Variants in C16orf96 observed in about 807,000 individuals in gnomAD.
The protein encoded by C16orf96 is uncharacterized protein C16orf96.
C16orf96 carries 108 observed loss-of-function variants against 103.6 expected under a neutral mutation model. The observed-to-expected ratio is 1.04, with a 90% confidence interval of 0.89 to 1.22. C16orf96 has a LOEUF of 1.22. Ranked by LOEUF, C16orf96 falls within the 50% of genes most tolerant of loss-of-function variation. The probability of loss-of-function intolerance (pLI) is 0.00; values close to 1 mark genes in which losing one functional copy is unlikely to be tolerated. For missense variants in C16orf96, 1,586 were observed against 1,464.2 expected (o/e 1.08, Z -1.36); for synonymous variants, 566 against 593.5 (o/e 0.95, Z 0.67).
the C16orf96 span, among the ~76,000 whole-genome samples, chr16:4,546,788 A>G: frequency 3.3e-5 from 5 of 152,064 alleles, no homozygotes; most frequent in Non-Finnish European, 5.9e-5. Context: ...TTTCTTTGAC[A>G]CAACCAAATG....
Position 4,576,548 on chromosome 16 carries a change from A to G in C16orf96, c.2068A>G (p.Ile690Val). The G allele has an allele frequency of 1.3e-6, 2 of 1,551,556 alleles. No individual in the cohort carries two copies. The highest frequency in any genetic ancestry group is 1.2e-5 in the South Asian group (1 of 84,066). Residue 690 changes from isoleucine to valine, a missense_variant, in exon 5 of 16, where the codon ATA (isoleucine) becomes GTA (valine). Ile to Val is a conservative substitution (Grantham distance 29). Coordinates refer to ENST00000444310, the MANE Select transcript of C16orf96 (RefSeq NM_001145011.2). ...GGCTGTCAAGTATTCCATGAGCCAC[A>G]TAGCCCAGATACCTGTCAAACACGA... ...KRAVKYSMSH[I>V]AQIPVKHDSL...
At chr16:4,577,870 C>G (rs2059532164) in intron 5 of C16orf96, among the ~76,000 whole-genome samples, 2 of 152,232 alleles carry the variant, frequency 1.3e-5, no homozygotes, top group South Asian at 4.1e-4. Context: ...ACAGGAGAAA[C>G]ACTTTGAACC....
At chr16:4,551,507 A>C (rs1347000990), upstream of C16orf96, among the ~76,000 whole-genome samples, 1 of 152,168 alleles carries the variant, frequency 6.6e-6, no homozygotes, top group Non-Finnish European at 1.5e-5. Context: ...GCTGGAGTGC[A>C]GTGGCTTGAT....
chr16:4,563,857 C>T (rs1261871869), intron 1 of C16orf96, among the ~76,000 whole-genome samples: 1 of 151,434 alleles, frequency 6.6e-6, no homozygotes, highest in Non-Finnish European at 1.5e-5. Context: ...GCATGAGCCA[C>T]TGTGCCCGGC....
rs1027262142 is a variant in C16orf96 at position 4,556,368 on chromosome 16, T to G, written c.-122T>G. 1 of 994,810 alleles carries G rather than the reference T, an allele frequency of 1.0e-6. No individual in the cohort carries two copies. The highest frequency in any genetic ancestry group is 1.4e-6 in the Non-Finnish European group (1 of 700,948). 61.6% of individuals were successfully genotyped at this position (994,810 alleles called of 1,614,324 possible). A position where few individuals can be genotyped will look rare whatever the true frequency, so the allele number is the denominator to read the frequency against. ...ACAGAGGCCATTCCTCCCTGACTGC[T>G]GTGACTCACCACCACCCCAGGCCTC... On this transcript the variant is annotated 5_prime_UTR_variant, in exon 1 of 16. Coordinates refer to ENST00000444310, the MANE Select transcript of C16orf96 (RefSeq NM_001145011.2).
At chr16:4,571,463 A>G in intron 1 of C16orf96, 98 bp from the exon 2 acceptor site, 1 of 991,608 alleles carries the variant, frequency 1.0e-6, no homozygotes, top group Non-Finnish European at 1.5e-6. Context: ...AGCCAAGAGG[A>G]CCTCTTGAAC....
rs565529806 is a variant in C16orf96, at chr16:4,579,449, G to T, written c.2241+424G>T. The stretch of plus-strand genomic sequence containing the variant: ...TGTCCCTACAGTCCCAACTACTCGG[G>T]AGGCTGAGGTGGGAGGATCACTTGA... On this transcript the variant is annotated intron_variant, in intron 6 of 15. Coordinates refer to ENST00000444310, the MANE Select transcript of C16orf96 (RefSeq NM_001145011.2). Among the ~76,000 whole-genome samples the T allele has an allele frequency of 3.3e-5, 5 of 151,636 alleles. No individual in the cohort carries two copies. In the South Asian group the frequency reaches 1.0e-3, roughly 32 times the overall value.
intron 1 of C16orf96, among the ~76,000 whole-genome samples, chr16:4,567,280 C>CTTTTT (rs71139642): frequency 3.6e-3 from 228 of 62,470 alleles, no homozygotes; most frequent in African/African-American, 8.4e-3. Context: ...TATTTCTTTT[C>CTTTTT]TTTTTTTTTT....
chr16:4,566,918 T>C (rs562177708), intron 1 of C16orf96, among the ~76,000 whole-genome samples: 47 of 152,312 alleles, frequency 3.1e-4, no homozygotes, highest in Admixed American at 5.2e-4. Flanking sequence ...TAGCTAAAAG[T>C]TTGTCAATTT....
chr16:4,558,425 G>A (rs2059290825), intron 1 of C16orf96, among the ~76,000 whole-genome samples: 1 of 152,072 alleles, frequency 6.6e-6, no homozygotes, highest in South Asian at 2.1e-4. Context: ...ACCAGCCTTG[G>A]CAGCGTAGTG....
At chr16:4,566,723 A>G (rs985162417) in intron 1 of C16orf96, among the ~76,000 whole-genome samples, 1 of 151,878 alleles carries the variant, frequency 6.6e-6, no homozygotes, top group African/African-American at 2.4e-5. Context: ...CGGATTGTCT[A>G]TTTCTGCTTG....
chr16:4,546,410 G>A, the C16orf96 span, among the ~76,000 whole-genome samples: 1 of 149,906 alleles, frequency 6.7e-6, no homozygotes, highest in Non-Finnish European at 1.5e-5. Context: ...TGCCTGCCTC[G>A]GCCTCCCAGA....
chr16:4,564,438 ACCCT>A (rs773664200), intron 1 of C16orf96, among the ~76,000 whole-genome samples: 1 of 151,786 alleles, frequency 6.6e-6, no homozygotes, highest in Non-Finnish European at 1.5e-5. Flanking sequence ...ATTTCTAAAC[ACCCT>A]CCCCATTTTA....
intron 1 of C16orf96, among the ~76,000 whole-genome samples, chr16:4,567,174 GCTGCATCCCGTAAGTT>G (rs1213590469): frequency 1.3e-5 from 2 of 151,832 alleles, no homozygotes; most frequent in African/African-American, 2.4e-5. Flanking sequence ...CACCACTTTA[GCTGCATCCCGTAAGTT>G]CTGGTGTGTT....
chr16:4,589,611 A>G (rs1279315599), intron 9 of C16orf96, among the ~76,000 whole-genome samples: 1 of 151,992 alleles, frequency 6.6e-6, no homozygotes, highest in Non-Finnish European at 1.5e-5. Context: ...CAAAAAAAAA[A>G]AAAAATGGGC....
the C16orf96 span, among the ~76,000 whole-genome samples, chr16:4,549,858 C>T: frequency 6.6e-6 from 1 of 152,084 alleles, no homozygotes; most frequent in Non-Finnish European, 1.5e-5. Context: ...TGCAACATGC[C>T]GACTCCCCTT....
At chr16:4,552,403 AC>A (rs2059233580), upstream of C16orf96, among the ~76,000 whole-genome samples, 1 of 148,572 alleles carries the variant, frequency 6.7e-6, no homozygotes, top group African/African-American at 2.5e-5. Flanking sequence ...AGTCGCTTGA[AC>A]CCAGGAGATG....
At chr16:4,580,894 G>GCC (rs1189241865) in intron 7 of C16orf96, among the ~76,000 whole-genome samples, 32 of 151,930 alleles carry the variant, frequency 2.1e-4, no homozygotes, top group African/African-American at 7.2e-4. Context: ...GGAGGCTGAG[G>GCC]TGGGCGGATC....
At position 4,556,659 on chromosome 16, in the gene C16orf96, A is replaced by T. The variant is rs1366564974; in HGVS notation, c.170A>T (p.Gln57Leu). 2.4e-5 allele frequency: 37 copies of T among 1,551,500 alleles called. No homozygotes were observed. The East Asian group carries it at 8.8e-4, about 37-fold the overall frequency. ...GATGAGGACTTCCTGCAGACCTCGCAGGTGGTCATCATGCCCAGGGAAGGA... is the reference window on the plus strand; with the variant it reads ...GATGAGGACTTCCTGCAGACCTCGCTGGTGGTCATCATGCCCAGGGAAGGA... ...SGDEDFLQTSQVVIMPREGDA... is the reference protein window; with the variant it reads ...SGDEDFLQTSLVVIMPREGDA... The change falls in exon 1 of 16, where the codon CAG (glutamine) becomes CTG (leucine). Residue 57 changes from glutamine to leucine, a missense_variant. Transcript: ENST00000444310.
Sources: gnomAD v4.1 joint callset for allele counts (sites outside exome capture counted in the v4.1 genomes callset) on GRCh38, gnomAD v4.1.1 for gene constraint, MANE v1.5 for transcripts, NCBI Gene and HGNC (gene_info 2026-07-23, HGNC 2026-07-21) for gene names.